ZMYM6: variants seen among roughly 807,000 people sequenced by gnomAD.
The protein encoded by ZMYM6 is zinc finger MYM-type containing 6.
In ZMYM6, 90 loss-of-function variants were observed where a neutral mutation model predicts 134.0. The ratio of observed to expected loss-of-function variants is 0.67; its 90% CI spans 0.57 to 0.80. ZMYM6 has a LOEUF of 0.80. Ranked by LOEUF, ZMYM6 falls within the 30% of genes least tolerant of loss-of-function variation. The pLI is 0.00. For missense variants in ZMYM6, 1,362 were observed against 1,533.9 expected, an observed-to-expected ratio of 0.89 and a Z score of 1.87; for synonymous variants, 481 against 524.1, an observed-to-expected ratio of 0.92 and a Z score of 1.12.
At chr1:35,016,042 G>C (rs555644011) in intron 4 of ZMYM6, among the ~76,000 whole-genome samples, 11 of 151,272 alleles carry the variant, frequency 7.3e-5, no homozygotes, top group Middle Eastern at 6.8e-3. Context: ...CCACCTCCTG[G>C]GTTCAAGCGA....
At chr1:35,021,201 C>T (rs1189135526) in intron 2 of ZMYM6, among the ~76,000 whole-genome samples, 1 of 149,836 alleles carries the variant, frequency 6.7e-6, no homozygotes, top group African/African-American at 2.5e-5. Flanking sequence ...AGTGCAATGG[C>T]GTGATCTTGG....
Position 35,014,854 on chromosome 1 carries a change from T to C in ZMYM6, c.638A>G (p.His213Arg), listed in dbSNP as rs140404514. 71 of 1,614,096 alleles carry C rather than the reference T, an allele frequency of 4.4e-5. No individual in the cohort carries two copies. Among genetic ancestry groups the C allele is most frequent in the Non-Finnish European group, 5.6e-5 (66 of 1,180,052 alleles). Residue 213 changes from histidine (H) to arginine (R), a missense_variant, in exon 6 of 16, where the codon CAT becomes CGT. His to Arg is a conservative substitution (Grantham distance 29). Coordinates refer to ENST00000357182, the MANE Select transcript of ZMYM6 (RefSeq NM_007167.4). Reference sequence around the variant, plus strand: ...AAAACAGGCATCACTACAAAGACCATGTACCACATTTTGATATTTAACTTC... The same window carrying C: ...AAAACAGGCATCACTACAAAGACCACGTACCACATTTTGATATTTAACTTC... ...RFEVKYQNVV[H>R]GLCSDACFSK...
At chr1:35,002,219 T>G (rs963140317) in intron 14 of ZMYM6, among the ~76,000 whole-genome samples, 1 of 152,252 alleles carries the variant, frequency 6.6e-6, no homozygotes, top group Non-Finnish European at 1.5e-5. Context: ...CTTCAGGAAC[T>G]CTGTGCAAAT....
chr1:35,011,138 T>C, intron 8 of ZMYM6, 102 bp from the exon 9 acceptor site: 1 of 1,256,878 alleles, frequency 8.0e-7, no homozygotes, highest in Non-Finnish European at 1.1e-6. Flanking sequence ...CCCACAAACA[T>C]TTTTTAAAAT....
chr1:35,022,012 G>A (rs141573251), intron 2 of ZMYM6, among the ~76,000 whole-genome samples: 10 of 152,156 alleles, frequency 6.6e-5, no homozygotes, highest in African/African-American at 1.4e-4. Context: ...TCCACACATA[G>A]CAAAATAAAT....
intron 14 of ZMYM6, among the ~76,000 whole-genome samples, chr1:34,997,552 A>C (rs888823355): frequency 5.3e-5 from 8 of 152,068 alleles, no homozygotes; most frequent in African/African-American, 1.9e-4. Context: ...AGATTTGCCC[A>C]CCTCGGCCTC....
At chr1:35,004,293 G>C (rs534275392) in intron 13 of ZMYM6, among the ~76,000 whole-genome samples, 35 of 152,296 alleles carry the variant, frequency 2.3e-4, no homozygotes, top group African/African-American at 7.5e-4. Flanking sequence ...GAGTACCTCT[G>C]AGCCTTCTAT....
Position 35,010,997 on chromosome 1 carries a change from C to G in ZMYM6, c.1102G>C (p.Val368Leu). ...SKPKGTNSSAVPLSQGQVVVS... is the reference protein window; with the variant it reads ...SKPKGTNSSALPLSQGQVVVS... ...ACCACTTGGCCCTGAGACAGGGGCACCGCCGAAGAGTTTGTTCCTTTTGGC... is the reference window on the plus strand; with the variant it reads ...ACCACTTGGCCCTGAGACAGGGGCAGCGCCGAAGAGTTTGTTCCTTTTGGC... The change falls in exon 9 of 16, where the codon GTG (valine) becomes CTG (leucine). Residue 368 changes from valine to leucine, a missense_variant. This residue lies in a region of ZMYM6 where 503 missense variants were observed against 520.8 expected (regional missense o/e 0.97). Transcript: ENST00000357182. 1 of 1,613,904 alleles carries G rather than the reference C, an allele frequency of 6.2e-7. No individual in the cohort carries two copies. The highest frequency in any genetic ancestry group is 8.5e-7 in the Non-Finnish European group (1 of 1,179,986).
chr1:35,017,472 G>A (rs1463084273), intron 4 of ZMYM6: 2 of 152,070 alleles, frequency 1.3e-5, no homozygotes, highest in East Asian at 1.9e-4. Context: ...AAATCAAAGA[G>A]AATGACTTTA....
rs542141572 is a variant in ZMYM6 at position 34,987,445 on chromosome 1, A to C, written c.3637T>G (p.Leu1213Val). 37 of 1,613,920 alleles carry C rather than the reference A, an allele frequency of 2.3e-5. 2 individuals are homozygous for C. In the Middle Eastern group the frequency reaches 1.2e-3, roughly 50 times the overall value. Reference protein sequence around the residue: ...PPEQDLRSGNLWIIHPFMNHQ... With the variant: ...PPEQDLRSGNVWIIHPFMNHQ... ...TTCATAAAAGGGTGAATTATCCACA[A>C]ATTTCCTGAACGCAAGTCTTGTTCT... Residue 1213 changes from leucine to valine, a missense_variant, in exon 16 of 16, where the codon TTG becomes GTG. By Grantham distance (32) the Leu-to-Val change is conservative. Around this residue, in one of 3 missense-constraint regions of ZMYM6, gnomAD observed 824 missense variants for 940.9 expected, o/e 0.88. Coordinates refer to ENST00000357182, the MANE Select transcript of ZMYM6 (RefSeq NM_007167.4).
chr1:34,998,318 G>C (rs141706600), intron 14 of ZMYM6, among the ~76,000 whole-genome samples: 1 of 152,204 alleles, frequency 6.6e-6, no homozygotes, highest in Non-Finnish European at 1.5e-5. Context: ...CTCTTCTACT[G>C]GGTTGTCTGT....
At chr1:35,030,353 G>A in intron 2 of ZMYM6, 194 bp downstream of exon 2, 1 of 560,104 alleles carries the variant, frequency 1.8e-6, no homozygotes, top group Non-Finnish European at 3.1e-6. Context: ...GATCACTTGA[G>A]CCTGGGAGGT....
At chr1:34,997,969 C>T (rs2148446123) in intron 14 of ZMYM6, among the ~76,000 whole-genome samples, 1 of 152,212 alleles carries the variant, frequency 6.6e-6, no homozygotes, top group Non-Finnish European at 1.5e-5. Flanking sequence ...TCTATCATTA[C>T]TAAATTCCCA....
chr1:35,019,401 G>A lies in ZMYM6; in HGVS notation c.380C>T (p.Pro127Leu), dbSNP rs778952451. The change falls in exon 4 of 16, where the codon CCT (proline) becomes CTT (leucine). Residue 127 changes from proline to leucine, a missense_variant. Pro to Leu is a moderately conservative substitution (Grantham distance 98). Coordinates refer to ENST00000357182, the MANE Select transcript of ZMYM6 (RefSeq NM_007167.4). ...CTTGGGAGGAGGTGGCAGGCAGGCA[G>A]GTGAAGAATGTCTGGTGATGCATCG... ...STRCITRHSSPACLPPPPKKT... is the reference protein window; with the variant it reads ...STRCITRHSSLACLPPPPKKT... 8.1e-6 allele frequency: 13 copies of A among 1,614,064 alleles called. No homozygotes were observed. The highest frequency in any genetic ancestry group is 1.1e-5 in the Non-Finnish European group (13 of 1,180,052).
At chr1:35,023,449 C>T (rs549976071) in intron 2 of ZMYM6, among the ~76,000 whole-genome samples, 1 of 152,202 alleles carries the variant, frequency 6.6e-6, no homozygotes, top group Admixed American at 6.5e-5. Flanking sequence ...TCATAACTGG[C>T]ATTTAATAAA....
intron 14 of ZMYM6, among the ~76,000 whole-genome samples, chr1:35,002,168 T>C (rs2148448309): frequency 6.6e-6 from 1 of 152,354 alleles, no homozygotes; most frequent in East Asian, 1.9e-4. Flanking sequence ...ACTTCCTTTA[T>C]TAATCCATGG....
intron 15 of ZMYM6, 83 bp from the exon 16 acceptor site, chr1:34,989,018 C>T: frequency 6.6e-7 from 1 of 1,523,076 alleles, no homozygotes; most frequent in Non-Finnish European, 8.7e-7. Flanking sequence ...ATTTAAAATT[C>T]ATATTTTGTT....
At chr1:35,023,785 C>T (rs937308935) in intron 2 of ZMYM6, among the ~76,000 whole-genome samples, 1 of 151,704 alleles carries the variant, frequency 6.6e-6, no homozygotes, top group South Asian at 2.1e-4. Flanking sequence ...CCATGCCTGG[C>T]TAATTTTTTT....
intron 14 of ZMYM6, among the ~76,000 whole-genome samples, chr1:34,994,156 G>A (rs536021448): frequency 3.3e-5 from 5 of 152,260 alleles, no homozygotes; most frequent in South Asian, 2.1e-4. Flanking sequence ...GTTCTAAGCC[G>A]TGGAGATACC....
Sources: gnomAD v4.1 joint callset for allele counts (sites outside exome capture counted in the v4.1 genomes callset) on GRCh38, gnomAD v4.1.1 for gene constraint, gnomAD v4.1.1 regional missense constraint, MANE v1.5 for transcripts, NCBI Gene and HGNC (gene_info 2026-07-23, HGNC 2026-07-21) for gene names.